Variants in FHIT observed in about 807,000 individuals in gnomAD.
FHIT encodes bis(5'-adenosyl)-triphosphatase.
FHIT carries 19 observed loss-of-function variants against 17.9 expected under a neutral mutation model. The observed-to-expected ratio is 1.06, with a 90% CI of 0.74 to 1.56. FHIT has a LOEUF of 1.56. FHIT is among the 40% of genes most tolerant of loss of function. The pLI is 0.00. For missense variants in FHIT, 248 were observed against 189.2 expected (o/e 1.31, Z -1.82); for synonymous variants, 81 against 69.7 (o/e 1.16, Z -0.81).
intron 5 of FHIT, among the ~76,000 whole-genome samples, chr3:60,105,592 A>G (rs144555397): frequency 0.019 from 2,855 of 152,276 alleles, 37 homozygotes; most frequent in South Asian, 0.083. Context: ...GTCACTACTC[A>G]GCTAATGGTA....
chr3:61,039,209 G>C (rs915250077), intron 3 of FHIT, among the ~76,000 whole-genome samples: 11 of 152,130 alleles, frequency 7.2e-5, no homozygotes, highest in East Asian at 1.9e-4. Flanking sequence ...CAAATGCTCA[G>C]GTTAGCTCCT....
intron 2 of FHIT, among the ~76,000 whole-genome samples, chr3:61,128,287 T>C (rs187468525): frequency 2.0e-5 from 3 of 152,214 alleles, no homozygotes. Context: ...ACCTACAACT[T>C]TGATGACTTA....
At chr3:59,997,950 A>G (rs1175289092) in intron 7 of FHIT, among the ~76,000 whole-genome samples, 1 of 152,042 alleles carries the variant, frequency 6.6e-6, no homozygotes, top group African/African-American at 2.4e-5. Context: ...CCTATTTGTA[A>G]GTTTCAGCAA....
intron 5 of FHIT, among the ~76,000 whole-genome samples, chr3:60,106,680 C>G (rs1704429188): frequency 6.6e-6 from 1 of 152,144 alleles, no homozygotes; most frequent in Non-Finnish European, 1.5e-5. Context: ...GATGAGACTC[C>G]CCTATCCTTT....
At chr3:60,229,689 T>C (rs1363829790) in intron 5 of FHIT, among the ~76,000 whole-genome samples, 2 of 151,976 alleles carry the variant, frequency 1.3e-5, no homozygotes, top group African/African-American at 4.8e-5. Flanking sequence ...TCTAAGAAAA[T>C]AATTAAGAGA....
intron 2 of FHIT, among the ~76,000 whole-genome samples, chr3:61,128,714 G>GAATAATA (rs1267852468): frequency 6.6e-6 from 1 of 151,594 alleles, no homozygotes; most frequent in East Asian, 1.9e-4. Flanking sequence ...AGATTGAAAA[G>GAATAATA]AATAATAAAT....
chr3:60,709,561 T>C (rs1201554459), intron 4 of FHIT, among the ~76,000 whole-genome samples: 1 of 152,202 alleles, frequency 6.6e-6, no homozygotes, highest in East Asian at 1.9e-4. Context: ...AATGGATCCT[T>C]TCCCCATGTG....
At chr3:59,806,158 G>T (rs1310793591) in intron 8 of FHIT, among the ~76,000 whole-genome samples, 2 of 150,006 alleles carry the variant, frequency 1.3e-5, no homozygotes, top group Non-Finnish European at 3.0e-5. Context: ...TCCAGCCTGG[G>T]AGACAGCGAG....
At chr3:59,984,976 A>T (rs969028983) in intron 7 of FHIT, among the ~76,000 whole-genome samples, 3 of 152,088 alleles carry the variant, frequency 2.0e-5, no homozygotes, top group Non-Finnish European at 1.5e-5. Flanking sequence ...TCCAGTAATG[A>T]ACCTGAATCA....
chr3:60,816,177 G>A lies in FHIT; in HGVS notation c.-18+5742C>T, dbSNP rs140271848. Among the ~76,000 whole-genome samples the A allele has an allele frequency of 2.7e-3, 418 of 152,070 alleles. 2 individuals are homozygous for A. Among genetic ancestry groups the A allele is most frequent in the African/African-American group, 9.7e-3 (404 of 41,546 alleles). On this transcript the variant is annotated intron_variant, in intron 4 of 9. Coordinates refer to ENST00000492590, the MANE Select transcript of FHIT (RefSeq NM_002012.4). ...AGTTTTTTAGGAATAGAATCATATT[G>A]TCTGCAAAGAGAGATAGTTTGATTT...
At chr3:60,284,698 A>G (rs560764821) in intron 5 of FHIT, among the ~76,000 whole-genome samples, 2 of 152,236 alleles carry the variant, frequency 1.3e-5, no homozygotes, top group East Asian at 3.9e-4. Context: ...AAGATAACGC[A>G]TGGACTTTTT....
At chr3:60,283,866 AAG>A (rs1707587557) in intron 5 of FHIT, among the ~76,000 whole-genome samples, 1 of 152,096 alleles carries the variant, frequency 6.6e-6, no homozygotes, top group Admixed American at 6.6e-5. Flanking sequence ...GGGAAAATAA[AAG>A]AAGTTTCTAG....
At chr3:60,803,233 G>C (rs1313582162) in intron 4 of FHIT, among the ~76,000 whole-genome samples, 1 of 152,182 alleles carries the variant, frequency 6.6e-6, no homozygotes, top group Admixed American at 6.5e-5. Context: ...AAAGTGACCA[G>C]GGCCTGGTGT....
At chr3:60,607,409 C>A (rs2040378) in intron 4 of FHIT, among the ~76,000 whole-genome samples, 10,305 of 151,214 alleles carry the variant, frequency 0.068, 546 homozygotes, top group African/African-American at 0.15. Context: ...TGGTAGAATT[C>A]TTTTTTAGGA....
intron 1 of FHIT, among the ~76,000 whole-genome samples, chr3:61,215,786 G>C (rs144455923): frequency 0.034 from 5,201 of 152,128 alleles, 119 homozygotes; most frequent in African/African-American, 0.055. Context: ...GGTACTGGTA[G>C]CAAAACAGAG....
Position 60,206,193 on chromosome 3 carries a change from C to T in FHIT, c.104-192041G>A, listed in dbSNP as rs925749724. 4.8e-4 allele frequency among the ~76,000 whole-genome samples: 70 copies of T among 146,618 alleles called. 1 individual carries two copies. Among genetic ancestry groups the T allele is most frequent in the African/African-American group, 1.7e-3 (69 of 39,966 alleles). ...AATAATTATAACACTTAAAAATGAG[C>T]CCAGGTAGATGATCTTCCAGTAATT... On this transcript the variant is annotated intron_variant, in intron 5 of 9. Transcript: ENST00000492590.
intron 2 of FHIT, among the ~76,000 whole-genome samples, chr3:61,057,501 G>C (rs7650937): frequency 0.59 from 89,275 of 151,948 alleles, 27,482 homozygotes; most frequent in Non-Finnish European, 0.69. Context: ...GTACAGGAAA[G>C]AAGGGAGATG....
chr3:59,930,163 C>T (rs1705896334), intron 7 of FHIT, among the ~76,000 whole-genome samples: 1 of 152,188 alleles, frequency 6.6e-6, no homozygotes, highest in Admixed American at 6.5e-5. Context: ...TGGTTGAGAA[C>T]TGCTCCTGGG....
At chr3:61,198,551 T>C (rs2038921299) in intron 2 of FHIT, among the ~76,000 whole-genome samples, 3 of 152,030 alleles carry the variant, frequency 2.0e-5, no homozygotes, top group Admixed American at 6.6e-5. Context: ...GTTCCCTCTA[T>C]ACTACCAAGG....
Sources: gnomAD v4.1 joint callset for allele counts (sites outside exome capture counted in the v4.1 genomes callset) on GRCh38, gnomAD v4.1.1 for gene constraint, MANE v1.5 for transcripts, NCBI Gene and HGNC (gene_info 2026-07-23, HGNC 2026-07-21) for gene names.